The following PTPRD variants were observed in gnomAD, a reference collection of about 807,000 sequenced individuals.
PTPRD encodes the protein receptor-type tyrosine-protein phosphatase delta.
A neutral mutation model predicts 214.5 loss-of-function variants in PTPRD; 34 were observed. That is an observed-to-expected ratio of 0.16 (90% CI 0.12 to 0.21). The LOEUF (loss-of-function observed/expected upper bound fraction) is 0.21. Among genes scored for constraint, PTPRD ranks in the 10% least tolerant of loss-of-function variants. PTPRD has a pLI of 1.00. For missense variants in PTPRD, 2,545 were observed against 2,398.7 expected (o/e 1.06, Z -1.27); for synonymous variants, 1,128 against 845.7 (o/e 1.33, Z -5.79).
intron 14 of PTPRD, among the ~76,000 whole-genome samples, chr9:8,566,098 A>ATGTGTG (rs1491211691): frequency 1.1e-3 from 50 of 46,232 alleles, no homozygotes; most frequent in South Asian, 4.1e-3. Context: ...TGAATGCAAA[A>ATGTGTG]TATGTGTGTG....
intron 14 of PTPRD, among the ~76,000 whole-genome samples, chr9:8,605,312 G>C (rs1344388293): frequency 2.0e-5 from 3 of 152,158 alleles, no homozygotes; most frequent in African/African-American, 7.2e-5. Context: ...ATTGGCTTAG[G>C]TTTAATGGGT....
chr9:8,578,349 C>T (rs925517112), intron 14 of PTPRD, among the ~76,000 whole-genome samples: 3 of 152,048 alleles, frequency 2.0e-5, no homozygotes. Context: ...TCGAACAGAG[C>T]CCCCACCCTC....
At chr9:10,315,380 G>C (rs2096394205) in intron 3 of PTPRD, among the ~76,000 whole-genome samples, 2 of 151,754 alleles carry the variant, frequency 1.3e-5, no homozygotes, top group African/African-American at 4.8e-5. Context: ...TATCATAAAT[G>C]TCTTAACTTT....
chr9:9,973,332 T>C (rs1317504863), intron 4 of PTPRD, among the ~76,000 whole-genome samples: 2 of 147,148 alleles, frequency 1.4e-5, no homozygotes, highest in African/African-American at 2.5e-5. Flanking sequence ...ATTACCCAGG[T>C]GTGGTCGCTT....
chr9:10,070,155 G>C (rs764227334), intron 3 of PTPRD, among the ~76,000 whole-genome samples: 2 of 152,054 alleles, frequency 1.3e-5, no homozygotes, highest in Non-Finnish European at 2.9e-5. Flanking sequence ...TGGGCACAGA[G>C]AGGAAATTGG....
At chr9:9,642,325 T>G (rs1330608395) in intron 7 of PTPRD, among the ~76,000 whole-genome samples, 1 of 143,428 alleles carries the variant, frequency 7.0e-6, no homozygotes, top group African/African-American at 2.6e-5. Context: ...AGATGACGAG[T>G]TAGTGGGTGC....
At chr9:9,177,397 C>G (rs527500445) in intron 10 of PTPRD, among the ~76,000 whole-genome samples, 5 of 152,074 alleles carry the variant, frequency 3.3e-5, no homozygotes, top group Admixed American at 3.3e-4. Context: ...AACCATATCA[C>G]GACCCTAATT....
chr9:9,987,349 A>C (rs1431997181), intron 4 of PTPRD, among the ~76,000 whole-genome samples: 1 of 152,160 alleles, frequency 6.6e-6, no homozygotes, highest in Non-Finnish European at 1.5e-5. Flanking sequence ...TGGGCAATTT[A>C]CAGAAGAAAG....
chr9:9,858,744 A>G (rs893449905), intron 5 of PTPRD, among the ~76,000 whole-genome samples: 19 of 152,352 alleles, frequency 1.2e-4, no homozygotes, highest in African/African-American at 4.6e-4. Context: ...TATTTTACAG[A>G]TAGAGAAAAT....
At chr9:10,463,931 TATA>T (rs1219466506) in intron 2 of PTPRD, among the ~76,000 whole-genome samples, 1 of 152,104 alleles carries the variant, frequency 6.6e-6, no homozygotes, top group African/African-American at 2.4e-5. Flanking sequence ...AAAATAGAAT[TATA>T]AATAAATAAG....
At chr9:9,978,650 GTA>G (rs2095440536) in intron 4 of PTPRD, among the ~76,000 whole-genome samples, 1 of 152,070 alleles carries the variant, frequency 6.6e-6, no homozygotes, top group Admixed American at 6.5e-5. Context: ...ACGCATGCAT[GTA>G]TAGATGTATA....
chr9:9,758,542 A>G (rs1479595142), intron 6 of PTPRD, among the ~76,000 whole-genome samples: 2 of 152,164 alleles, frequency 1.3e-5, no homozygotes, highest in African/African-American at 4.8e-5. Flanking sequence ...AGGTTCTCAG[A>G]AAGTACATAA....
In PTPRD at chr9:8,484,397, T is replaced by TA. The variant is rs61602377; in HGVS notation, c.3154-20dup. The TA allele has an allele frequency of 2.4e-3, 3,398 of 1,415,622 alleles. No individual in the cohort carries two copies. Among genetic ancestry groups the TA allele is most frequent in the South Asian group, 5.0e-3 (382 of 75,712 alleles). 87.7% of individuals were successfully genotyped at this position (1,415,622 alleles called of 1,614,324 possible). On this transcript the variant is annotated intron_variant, in intron 29 of 45. Coordinates refer to ENST00000381196, the MANE Select transcript of PTPRD (RefSeq NM_002839.4). ...AAAGAATCTAAAGAGATAAAACCAA[T>TA]AAAAAAAAAATCTGGTTATCAGAGA...
intron 9 of PTPRD, among the ~76,000 whole-genome samples, chr9:9,253,838 T>A (rs2099976504): frequency 6.6e-6 from 1 of 152,140 alleles, no homozygotes; most frequent in Non-Finnish European, 1.5e-5. Flanking sequence ...TATTCTCTTC[T>A]GTTCCAGAGG....
intron 10 of PTPRD, among the ~76,000 whole-genome samples, chr9:9,072,192 A>G (rs1162823235): frequency 2.0e-5 from 3 of 152,114 alleles, no homozygotes; most frequent in African/African-American, 4.8e-5. Context: ...TTTTATCATT[A>G]AAAACCAAAA....
intron 7 of PTPRD, among the ~76,000 whole-genome samples, chr9:9,613,449 T>C (rs892491285): frequency 2.0e-5 from 3 of 152,078 alleles, no homozygotes; most frequent in African/African-American, 7.2e-5. Flanking sequence ...TCTGTTCTTT[T>C]TGCCATCTAC....
rs369684559 is a variant in PTPRD at position 8,376,642 on chromosome 9, C to T, written c.4471G>A (p.Ala1491Thr). 2.5e-6 allele frequency: 4 copies of T among 1,612,980 alleles called. No individual in the cohort carries two copies. Among genetic ancestry groups the T allele is most frequent in the South Asian group, 1.1e-5 (1 of 91,060 alleles). ...QVTLLDTVEL[A>T]TYCVRTFALY... ...GCAAATGTTCGAACACAATATGTGG[C>T]CAGCTCCACAGTATCAAGCAGCGTT... The change falls in exon 38 of 46, where the codon GCC (alanine) becomes ACC (threonine). Residue 1491 changes from alanine to threonine, a missense_variant. Physicochemically the swap from Ala to Thr is moderately conservative, Grantham distance 58. Coordinates refer to ENST00000381196, the MANE Select transcript of PTPRD (RefSeq NM_002839.4).
At chr9:10,344,514 C>T (rs968440199) in intron 2 of PTPRD, among the ~76,000 whole-genome samples, 1 of 152,098 alleles carries the variant, frequency 6.6e-6, no homozygotes, top group African/African-American at 2.4e-5. Context: ...GCAATGTAGG[C>T]TCTTTTTTGG....
intron 11 of PTPRD, among the ~76,000 whole-genome samples, chr9:8,904,372 A>G (rs1239260656): frequency 1.3e-5 from 2 of 152,156 alleles, no homozygotes; most frequent in Non-Finnish European, 2.9e-5. Flanking sequence ...CTTGGATCCA[A>G]TCAAAAGTCA....
Sources: gnomAD v4.1 joint callset for allele counts (sites outside exome capture counted in the v4.1 genomes callset) on GRCh38, gnomAD v4.1.1 for gene constraint, MANE v1.5 for transcripts, NCBI Gene and HGNC (gene_info 2026-07-23, HGNC 2026-07-21) for gene names.